The following MAP3K21 variants were observed in gnomAD, a reference collection of about 807,000 sequenced individuals.
MAP3K21 encodes mitogen-activated protein kinase kinase kinase 21, also known as mitogen-activated protein kinase kinase kinase MLK4.
A neutral mutation model predicts 86.1 loss-of-function variants in MAP3K21; 63 were observed. The ratio of observed to expected loss-of-function variants is 0.73; its 90% confidence interval spans 0.60 to 0.90. The LOEUF (loss-of-function observed/expected upper bound fraction) is 0.90, where lower values mean the gene tolerates loss of function less well. MAP3K21 is among the 40% of genes least tolerant of loss of function. The probability of loss-of-function intolerance (pLI) is 0.00; values close to 1 mark genes in which losing one functional copy is unlikely to be tolerated. For synonymous variants in MAP3K21, 558 were observed against 564.8 expected, an observed-to-expected ratio of 0.99 and a Z score of 0.17; for missense variants, 1,220 against 1,367.7, an observed-to-expected ratio of 0.89 and a Z score of 1.70.
chr1:233,342,053 A>G (rs1663047652), intron 1 of MAP3K21, among the ~76,000 whole-genome samples: 1 of 151,780 alleles, frequency 6.6e-6, no homozygotes, highest in Non-Finnish European at 1.5e-5. Context: ...TTCAGTATGT[A>G]GGGTTTAAAG....
At chr1:233,334,963 C>CTTTTTTTTTTTT (rs10640127) in intron 1 of MAP3K21, among the ~76,000 whole-genome samples, 2 of 146,616 alleles carry the variant, frequency 1.4e-5, no homozygotes, top group East Asian at 2.0e-4. Context: ...TTCTTTCTTT[C>CTTTTTTTTTTTT]TTTTTTTTTT....
intron 2 of MAP3K21, among the ~76,000 whole-genome samples, chr1:233,347,807 C>A (rs547955172): frequency 3.1e-4 from 47 of 152,056 alleles, no homozygotes; most frequent in Non-Finnish European, 6.8e-4. Context: ...GTGACAGGAC[C>A]ATTTGTATCC....
chr1:233,368,437 T>C (rs915838862), intron 5 of MAP3K21, among the ~76,000 whole-genome samples: 1 of 152,098 alleles, frequency 6.6e-6, no homozygotes, highest in Non-Finnish European at 1.5e-5. Context: ...GTGGATTGCT[T>C]GAGCCCAGGA....
chr1:233,374,421 G>T (rs993214713), intron 6 of MAP3K21, among the ~76,000 whole-genome samples: 1 of 152,082 alleles, frequency 6.6e-6, no homozygotes, highest in East Asian at 1.9e-4. Flanking sequence ...TGATCCACCC[G>T]CCTTGGCCTC....
chr1:233,376,382 T>G, intron 7 of MAP3K21, 48 bp from the exon 8 acceptor site: 1 of 1,297,962 alleles, frequency 7.7e-7, no homozygotes, highest in Non-Finnish European at 1.1e-6. Flanking sequence ...ACCTAATTGG[T>G]GTGTTGTGTG....
Position 233,358,379 on chromosome 1 carries a change from G to T in MAP3K21, c.1311+3368G>T, listed in dbSNP as rs73094922. On this transcript the variant is annotated intron_variant, in intron 4 of 9. Coordinates refer to ENST00000366624, the MANE Select transcript of MAP3K21 (RefSeq NM_032435.3). ...AATAGGTTTGACATCCTGCAGTTCTGTGAAGCATTACTACCAGTGATATCA... is the reference window on the plus strand; with the variant it reads ...AATAGGTTTGACATCCTGCAGTTCTTTGAAGCATTACTACCAGTGATATCA... Among the ~76,000 whole-genome samples the T allele has an allele frequency of 5.7e-3, 870 of 151,946 alleles. 10 individuals carry two copies. The highest frequency in any genetic ancestry group is 0.02 in the African/African-American group (841 of 41,450).
At chr1:233,376,398 A>G (rs747176326) in intron 7 of MAP3K21, 32 bp from the exon 8 acceptor site, 1 of 1,482,784 alleles carries the variant, frequency 6.7e-7, no homozygotes, top group Non-Finnish European at 9.4e-7. Flanking sequence ...GTGTGCTTCT[A>G]TCTTATGAAA....
rs764697606 is a variant in MAP3K21, at chr1:233,379,626, T to C, written c.2620T>C (p.Cys874Arg). Reference protein sequence around the residue: ...NLPSSFLQQTCGNVPYCASSK... With the variant: ...NLPSSFLQQTRGNVPYCASSK... ...GCCGTCTTCCTTCCTACAGCAGACA[T>C]GTGGGAATGTACCTTACTGTGCTTC... is the stretch of plus-strand genomic sequence containing the variant. Residue 874 changes from cysteine (C) to arginine (R), a missense_variant, in exon 9 of 10, where the codon TGT (cysteine) becomes CGT (arginine). This residue lies in a region of MAP3K21 where 632 missense variants were observed against 691.3 expected (regional missense o/e 0.91). Transcript: ENST00000366624. The C allele has an allele frequency of 7.4e-6, 12 of 1,613,970 alleles. No individual in the cohort carries two copies. The highest frequency in any genetic ancestry group is 1.6e-4 in the Middle Eastern group (1 of 6,084).
intron 1 of MAP3K21, among the ~76,000 whole-genome samples, chr1:233,334,087 G>C (rs568578911): frequency 6.6e-6 from 1 of 151,616 alleles, no homozygotes; most frequent in African/African-American, 2.4e-5. Flanking sequence ...GGATGGTCTT[G>C]ATCTCCTGAC....
chr1:233,337,005 G>A (rs943727347), intron 1 of MAP3K21, among the ~76,000 whole-genome samples: 2 of 152,200 alleles, frequency 1.3e-5, no homozygotes, highest in African/African-American at 2.4e-5. Context: ...CTTTCACATT[G>A]GAGGACAAAT....
rs1212065780 is a variant in MAP3K21 at position 233,328,593 on chromosome 1, G to A, written c.565G>A (p.Val189Met). 6.6e-7 allele frequency: 1 copy of A among 1,515,854 alleles called. No homozygotes were observed. Among genetic ancestry groups the A allele is most frequent in the Non-Finnish European group, 8.8e-7 (1 of 1,141,606 alleles). 93.9% of individuals were successfully genotyped at this position (1,515,854 alleles called of 1,614,324 possible). A position where few individuals can be genotyped will look rare whatever the true frequency, so the allele number is the denominator to read the frequency against. The change falls in exon 1 of 10, where the codon GTG (valine) becomes ATG (methionine). Residue 189 changes from valine (V) to methionine (M), a missense_variant. Around this residue, in one of 5 missense-constraint regions of MAP3K21, gnomAD observed 369 missense variants for 385.3 expected, o/e 0.96. Transcript: ENST00000366624. This position sits in a 1 kb window ranked among gnomAD's most constrained non-coding sequence, Gnocchi z 8.7. ...CCCCAACATCATCGAGCTGCGCGGC[G>A]TGTGCCTGCAGCAGCCGCACCTCTG... ...RHPNIIELRG[V>M]CLQQPHLCLV...
chr1:233,361,913 G>C, intron 4 of MAP3K21, 140 bp from the exon 5 acceptor site: 1 of 1,071,304 alleles, frequency 9.3e-7, no homozygotes. Context: ...ACCAGGGCTT[G>C]AGCAGAGGAA....
chr1:233,344,515 A>T (rs1394587878), intron 1 of MAP3K21, among the ~76,000 whole-genome samples: 3 of 152,234 alleles, frequency 2.0e-5, no homozygotes, highest in African/African-American at 7.2e-5. Context: ...TGCTGGGAAA[A>T]CTGGCTAGCC....
chr1:233,382,398 C>G lies in MAP3K21; in HGVS notation c.2798C>G (p.Pro933Arg). The change falls in exon 10 of 10, where the codon CCC becomes CGC. Residue 933 changes from proline to arginine, a missense_variant. Around this residue, in one of 5 missense-constraint regions of MAP3K21, gnomAD observed 632 missense variants for 691.3 expected, o/e 0.91. Transcript: ENST00000366624. ...AGTCATCTGCCAAGGGAGGTCTCAC[C>G]CAAGAAGCACAGCACTGTCCACATC... is the stretch of plus-strand genomic sequence containing the variant. Reference protein sequence around the residue: ...PHSHLPREVSPKKHSTVHIVP... With the variant: ...PHSHLPREVSRKKHSTVHIVP... The G allele has an allele frequency of 6.2e-7, 1 of 1,614,090 alleles. No individual in the cohort carries two copies. The highest frequency in any genetic ancestry group is 8.5e-7 in the Non-Finnish European group (1 of 1,180,022).
At chr1:233,357,497 A>G (rs1663382869) in intron 4 of MAP3K21, among the ~76,000 whole-genome samples, 1 of 152,218 alleles carries the variant, frequency 6.6e-6, no homozygotes, top group Non-Finnish European at 1.5e-5. Context: ...GTATTTGGTT[A>G]CATTGAAAAA....
chr1:233,376,575 C>A (rs1167688837), intron 8 of MAP3K21, 48 bp downstream of exon 8: 1 of 1,316,034 alleles, frequency 7.6e-7, no homozygotes, highest in African/African-American at 1.5e-5. Flanking sequence ...TCCTTGGCAT[C>A]TGATTGTGCT....
chr1:233,380,925 A>G (rs1663901357), intron 9 of MAP3K21, among the ~76,000 whole-genome samples: 2 of 152,184 alleles, frequency 1.3e-5, no homozygotes, highest in Admixed American at 1.3e-4. Flanking sequence ...GTGAGTATTG[A>G]TGTGACTGGA....
Position 233,375,902 on chromosome 1 carries a change from AATG to A in MAP3K21, c.1676-13_1676-11del. On this transcript the variant is annotated splice_polypyrimidine_tract_variant and intron_variant, in intron 6 of 9. Coordinates refer to ENST00000366624, the MANE Select transcript of MAP3K21 (RefSeq NM_032435.3). ...GATTGTTGTGGTTAATATGGTTAAT[AATG>A]TTCTTTTTAGTGACTTCAGATGAAA... is the stretch of plus-strand genomic sequence containing the variant. 1 of 1,602,998 alleles carries A rather than the reference AATG, an allele frequency of 6.2e-7. No individual in the cohort carries two copies. Among genetic ancestry groups the A allele is most frequent in the Non-Finnish European group, 8.5e-7 (1 of 1,171,112 alleles).
chr1:233,337,695 G>A (rs1246557451), intron 1 of MAP3K21, among the ~76,000 whole-genome samples: 1 of 152,200 alleles, frequency 6.6e-6, no homozygotes, highest in Non-Finnish European at 1.5e-5. Flanking sequence ...GGTGTGCTGA[G>A]ATCTGTACAC....
Sources: gnomAD v4.1 joint callset for allele counts (sites outside exome capture counted in the v4.1 genomes callset) on GRCh38, gnomAD v4.1.1 for gene constraint, gnomAD v4.1.1 regional missense constraint, Gnocchi (gnomAD v3.1) non-coding constraint, MANE v1.5 for transcripts, NCBI Gene and HGNC (gene_info 2026-07-23, HGNC 2026-07-21) for gene names.